The following WDR59 variants were observed in gnomAD, a reference collection of about 807,000 sequenced individuals.
The protein encoded by WDR59 is WD repeat domain 59, also known as GATOR2 complex protein WDR59.
In WDR59, 100 loss-of-function variants were observed where a neutral mutation model predicts 131.2. That is an observed-to-expected ratio of 0.76 (90% confidence interval 0.65 to 0.90). WDR59 has a LOEUF of 0.90. Among genes scored for constraint, WDR59 ranks in the 40% least tolerant of loss-of-function variants. The pLI is 0.00. For missense variants in WDR59, 1,203 were observed against 1,262.2 expected, an observed-to-expected ratio of 0.95 and a Z score of 0.71; for synonymous variants, 601 against 466.2, an observed-to-expected ratio of 1.29 and a Z score of -3.72.
chr16:74,923,911 G>A lies in WDR59; in HGVS notation c.729+15C>T, dbSNP rs1473470582. On this transcript the variant is annotated intron_variant, in intron 9 of 25. Transcript: ENST00000262144. ...AAAAGAAGTTTCTTATCAAGAGGCAGGGTGGCTCACTCACTGTGTATCTGG... is the reference window on the plus strand; with the variant it reads ...AAAAGAAGTTTCTTATCAAGAGGCAAGGTGGCTCACTCACTGTGTATCTGG... 1 of 1,611,626 alleles carries A rather than the reference G, an allele frequency of 6.2e-7. No homozygotes were observed.
chr16:74,921,813 AAC>A, intron 10 of WDR59, 132 bp downstream of exon 10: 1 of 1,134,658 alleles, frequency 8.8e-7, no homozygotes, highest in Admixed American at 2.9e-5. Flanking sequence ...GAAAGGTGGC[AAC>A]AGCCCTGGCT....
At chr16:74,936,032 T>G (rs1006584352) in intron 8 of WDR59, among the ~76,000 whole-genome samples, 1 of 151,320 alleles carries the variant, frequency 6.6e-6, no homozygotes, top group Non-Finnish European at 1.5e-5. Flanking sequence ...TTCTAGGATA[T>G]AGTGGAATAA....
intron 7 of WDR59, among the ~76,000 whole-genome samples, chr16:74,940,466 T>C (rs1275222002): frequency 6.6e-6 from 1 of 151,962 alleles, no homozygotes; most frequent in African/African-American, 2.4e-5. Context: ...TCAATAAATG[T>C]AAAACTCTTA....
intron 1 of WDR59, among the ~76,000 whole-genome samples, chr16:74,981,799 G>C (rs1214278431): frequency 1.4e-5 from 2 of 141,924 alleles, no homozygotes; most frequent in East Asian, 4.4e-4. Flanking sequence ...GGGATTACAG[G>C]TGCATGCCAC....
rs151295610 is a variant in WDR59 at position 74,880,793 on chromosome 16, G to C, written c.2689+4860C>G. Among the ~76,000 whole-genome samples the C allele has an allele frequency of 2.5e-3, 374 of 152,344 alleles. 2 individuals are homozygous for C. Among genetic ancestry groups the C allele is most frequent in the African/African-American group, 7.4e-3 (306 of 41,578 alleles). ...TAGAACAATCAAAGTATGATTCCAA[G>C]GCTTTTCAAAACTTCCAGGAGGAAG... is the stretch of plus-strand genomic sequence containing the variant. On this transcript the variant is annotated intron_variant, in intron 25 of 25. Transcript: ENST00000262144.
intron 20 of WDR59, among the ~76,000 whole-genome samples, chr16:74,890,753 C>G (rs934971132): frequency 5.3e-5 from 8 of 152,172 alleles, no homozygotes; most frequent in South Asian, 4.1e-4. Flanking sequence ...CTCTAAGTGT[C>G]TATTAAGTCC....
intron 7 of WDR59, among the ~76,000 whole-genome samples, chr16:74,940,809 G>C (rs1391179200): frequency 1.3e-5 from 2 of 152,004 alleles, no homozygotes; most frequent in Non-Finnish European, 2.9e-5. Flanking sequence ...GGGTTCAAGC[G>C]ATTCTCCTGC....
At chr16:74,964,048 G>C (rs1286648763) in intron 2 of WDR59, among the ~76,000 whole-genome samples, 1 of 151,916 alleles carries the variant, frequency 6.6e-6, no homozygotes, top group African/African-American at 2.4e-5. Context: ...AAAAAAGAAA[G>C]AAAATGAAAT....
Position 74,915,881 on chromosome 16 carries a change from C to T in WDR59, c.1213G>A (p.Val405Ile). 1 of 1,614,236 alleles carries T rather than the reference C, an allele frequency of 6.2e-7. No individual in the cohort carries two copies. The highest frequency in any genetic ancestry group is 8.5e-7 in the Non-Finnish European group (1 of 1,180,040). The change falls in exon 13 of 26, where the codon GTC becomes ATC. Residue 405 changes from valine to isoleucine, a missense_variant. Coordinates refer to ENST00000262144, the MANE Select transcript of WDR59 (RefSeq NM_030581.4). The part of the protein sequence containing the change: ...FSLINVQIRN[V>I]NVEMDAADRS... Reference sequence around the variant, plus strand: ...ATTAAACTAAGTACCTCCACATTGACATTCCGGATTTGCACATTGATCAGG... The same window carrying T: ...ATTAAACTAAGTACCTCCACATTGATATTCCGGATTTGCACATTGATCAGG...
rs368233777 is a variant in WDR59, at chr16:74,939,374, A to G, written c.535-1108T>C. 9.8e-5 allele frequency among the ~76,000 whole-genome samples: 15 copies of G among 152,328 alleles called. No individual in the cohort carries two copies. The East Asian group carries it at 2.5e-3, about 26-fold the overall frequency. ...CTAAATGATCAACAAATGGGAAATAATGAAGCTGAATCAATATACTACAGC... is the reference window on the plus strand; with the variant it reads ...CTAAATGATCAACAAATGGGAAATAGTGAAGCTGAATCAATATACTACAGC... On this transcript the variant is annotated intron_variant, in intron 7 of 25. Transcript: ENST00000262144.
intron 7 of WDR59, among the ~76,000 whole-genome samples, chr16:74,940,955 C>T (rs564910023): frequency 6.6e-6 from 1 of 152,014 alleles, no homozygotes; most frequent in Non-Finnish European, 1.5e-5. Context: ...CCACCCGCCT[C>T]AGCCTCCCAA....
At chr16:74,911,709 TG>T (rs1966102532) in intron 14 of WDR59, among the ~76,000 whole-genome samples, 1 of 152,214 alleles carries the variant, frequency 6.6e-6, no homozygotes, top group African/African-American at 2.4e-5. Context: ...ACCTTACATA[TG>T]TTTTTTTCTA....
At chr16:74,890,417 C>G (rs916642828) in intron 20 of WDR59, among the ~76,000 whole-genome samples, 5 of 152,162 alleles carry the variant, frequency 3.3e-5, no homozygotes, top group Non-Finnish European at 5.9e-5. Flanking sequence ...CCAAAAAGTG[C>G]TGGGATTACA....
intron 18 of WDR59, among the ~76,000 whole-genome samples, chr16:74,900,198 T>A (rs575400490): frequency 6.6e-6 from 1 of 152,302 alleles, no homozygotes; most frequent in South Asian, 2.1e-4. Flanking sequence ...GAAGACATTC[T>A]TGAATAGGCT....
intron 2 of WDR59, among the ~76,000 whole-genome samples, chr16:74,963,399 C>G (rs2033639721): frequency 2.0e-5 from 3 of 152,234 alleles, no homozygotes; most frequent in African/African-American, 7.2e-5. Flanking sequence ...TCATGGAGTA[C>G]TATGGAGCTA....
At chr16:74,980,889 C>A (rs1010815269) in intron 1 of WDR59, among the ~76,000 whole-genome samples, 25 of 151,208 alleles carry the variant, frequency 1.7e-4, no homozygotes, top group Admixed American at 4.0e-4. Context: ...CACTTGAACC[C>A]AGGAGGTGGA....
intron 1 of WDR59, among the ~76,000 whole-genome samples, chr16:74,972,509 T>G (rs1396865671): frequency 4.6e-5 from 7 of 152,106 alleles, no homozygotes; most frequent in African/African-American, 7.2e-5. Context: ...AGAAACGGTA[T>G]GCATCGGCTT....
Position 74,917,986 on chromosome 16 carries a change from CA to C in WDR59, c.908del (p.Val303GlyfsTer9). 1 of 1,614,020 alleles carries C rather than the reference CA, an allele frequency of 6.2e-7. No homozygotes were observed. Among genetic ancestry groups the C allele is most frequent in the South Asian group, 1.1e-5 (1 of 91,076 alleles). ...QKEGSKDYQL[V>X]TWSRDQTLRM... The stretch of plus-strand genomic sequence containing the variant: ...TCAAGGTCTGATCCCGGGACCACGT[CA>C]CCAGTTGATAGTCCTTGGACCCTAG... On this transcript the variant is annotated frameshift_variant, in exon 11 of 26. Transcript: ENST00000262144. LOFTEE classifies it high-confidence loss of function.
At position 74,874,140 on chromosome 16, in the gene WDR59, TGACA is replaced by T. The variant is rs1281783471; in HGVS notation, c.*65_*68del. 14 of 1,373,350 alleles carry T rather than the reference TGACA, an allele frequency of 1.0e-5. No individual in the cohort carries two copies. Among genetic ancestry groups the T allele is most frequent in the Non-Finnish European group, 1.3e-5 (13 of 996,408 alleles). The allele number at this position is 1,373,350 out of a possible 1,614,324, so 85.1% of individuals were successfully genotyped here. On this transcript the variant is annotated 3_prime_UTR_variant, in exon 26 of 26. Coordinates refer to ENST00000262144, the MANE Select transcript of WDR59 (RefSeq NM_030581.4). ...AACCCAGGTTCTGGAGCCTCTCCCC[TGACA>T]GACAGCTTGTCACCGGCACTTATGG... is the stretch of plus-strand genomic sequence containing the variant.
Sources: gnomAD v4.1 joint callset for allele counts (sites outside exome capture counted in the v4.1 genomes callset) on GRCh38, gnomAD v4.1.1 for gene constraint, MANE v1.5 for transcripts, NCBI Gene and HGNC (gene_info 2026-07-23, HGNC 2026-07-21) for gene names.